Variants in DLGAP2 observed in about 807,000 individuals in gnomAD.
The protein encoded by DLGAP2 is DLG associated protein 2.
Under a neutral mutation model 100.3 loss-of-function variants are expected in DLGAP2, and 26 were observed. The observed-to-expected ratio is 0.26, with a 90% confidence interval of 0.19 to 0.36. The LOEUF (loss-of-function observed/expected upper bound fraction) is 0.36. Among genes scored for constraint, DLGAP2 ranks in the 10% least tolerant of loss-of-function variants. The probability of loss-of-function intolerance (pLI) is 1.00; values close to 1 mark genes in which losing one functional copy is unlikely to be tolerated. For missense variants in DLGAP2, 1,858 were observed against 1,453.2 expected, an observed-to-expected ratio of 1.28 and a Z score of -4.53; for synonymous variants, 886 against 630.1, an observed-to-expected ratio of 1.41 and a Z score of -6.08.
intron 1 of DLGAP2, among the ~76,000 whole-genome samples, chr8:766,157 A>G (rs1204184217): frequency 4.6e-5 from 7 of 152,062 alleles, no homozygotes; most frequent in Non-Finnish European, 1.0e-4. Context: ...ACAGAGCGAG[A>G]CTCTGTCTCA....
At chr8:1,443,017 T>G (rs976592526) in intron 3 of DLGAP2, among the ~76,000 whole-genome samples, 3 of 152,266 alleles carry the variant, frequency 2.0e-5, no homozygotes, top group African/African-American at 7.2e-5. Context: ...AAAATTAACT[T>G]TATCATTCTT....
intron 5 of DLGAP2, among the ~76,000 whole-genome samples, chr8:1,562,966 G>A (rs113776002): frequency 0.024 from 1,463 of 59,954 alleles, 118 homozygotes; most frequent in Middle Eastern, 0.05. Flanking sequence ...TCCGCGCCTC[G>A]TTACTGGGGG....
intron 3 of DLGAP2, among the ~76,000 whole-genome samples, chr8:1,458,942 G>A (rs960982456): frequency 8.5e-5 from 13 of 152,178 alleles, no homozygotes; most frequent in African/African-American, 2.4e-4. Flanking sequence ...ACCAGTGTGT[G>A]TCCCAGACAG....
intron 1 of DLGAP2, among the ~76,000 whole-genome samples, chr8:906,965 G>A (rs1333422245): frequency 6.6e-6 from 1 of 152,160 alleles, no homozygotes; most frequent in South Asian, 2.1e-4. Flanking sequence ...GCGGGGAGAG[G>A]GGGGATGGAG....
At chr8:1,461,233 G>A (rs532297729) in intron 3 of DLGAP2, among the ~76,000 whole-genome samples, 1 of 112,462 alleles carries the variant, frequency 8.9e-6, no homozygotes, top group African/African-American at 3.3e-5. Context: ...AGGGAGAAGG[G>A]TGGCATTTGG....
chr8:1,110,671 A>C (rs970844473), intron 2 of DLGAP2, among the ~76,000 whole-genome samples: 2 of 151,274 alleles, frequency 1.3e-5, no homozygotes, highest in African/African-American at 4.9e-5. Flanking sequence ...AAACCCAAAC[A>C]TCTGCAAGTA....
intron 3 of DLGAP2, among the ~76,000 whole-genome samples, chr8:1,271,204 A>G (rs907532998): frequency 6.6e-6 from 1 of 152,216 alleles, no homozygotes; most frequent in African/African-American, 2.4e-5. Flanking sequence ...TTGGGAGTCA[A>G]GATTAGTGCC....
intron 1 of DLGAP2, among the ~76,000 whole-genome samples, chr8:770,669 C>G (rs1027971032): frequency 1.3e-5 from 2 of 152,112 alleles, no homozygotes; most frequent in South Asian, 4.1e-4. Flanking sequence ...TCGTGCTGAC[C>G]TCCTGCTTCT....
intron 3 of DLGAP2, among the ~76,000 whole-genome samples, chr8:1,493,690 G>T (rs1345126195): frequency 6.6e-6 from 1 of 152,196 alleles, no homozygotes; most frequent in Non-Finnish European, 1.5e-5. Flanking sequence ...AGAAGTAAGT[G>T]TGCTTTTCAG....
At chr8:1,166,808 T>C (rs962003176) in intron 2 of DLGAP2, among the ~76,000 whole-genome samples, 14 of 152,266 alleles carry the variant, frequency 9.2e-5, no homozygotes, top group African/African-American at 3.4e-4. Context: ...CTCTGGTAAA[T>C]GTAAGTATTG....
At chr8:1,293,617 C>T (rs1426774583) in intron 3 of DLGAP2, among the ~76,000 whole-genome samples, 2 of 152,144 alleles carry the variant, frequency 1.3e-5, no homozygotes, top group African/African-American at 2.4e-5. Flanking sequence ...CAGCCATTAA[C>T]CTCCAATTTG....
rs575181086 is a variant in DLGAP2 at position 986,413 on chromosome 8, ATTAAAC to A, written c.73+78450_73+78455del. ...TATTCATGTGCCAGGGTGGTTGCAA[ATTAAAC>A]TTTTCTCTAGACATTTTAGTATCTT... On this transcript the variant is annotated intron_variant, in intron 2 of 14. Coordinates refer to ENST00000637795, the MANE Select transcript of DLGAP2 (RefSeq NM_001346810.2). Among the ~76,000 whole-genome samples the A allele has an allele frequency of 1.0e-3, 156 of 152,336 alleles. 2 individuals carry two copies. The highest frequency in any genetic ancestry group is 3.7e-3 in the African/African-American group (155 of 41,578).
chr8:860,459 A>T (rs993931276), intron 1 of DLGAP2, among the ~76,000 whole-genome samples: 1 of 152,198 alleles, frequency 6.6e-6, no homozygotes, highest in Non-Finnish European at 1.5e-5. Flanking sequence ...GTCCCAATGG[A>T]ATGAATTTCA....
intron 2 of DLGAP2, among the ~76,000 whole-genome samples, chr8:1,075,450 C>G (rs1286096683): frequency 6.6e-6 from 1 of 152,122 alleles, no homozygotes; most frequent in Non-Finnish European, 1.5e-5. Context: ...CTGTGGGTCT[C>G]TGGGGTGCCT....
At chr8:1,451,903 C>T (rs1436259232) in intron 3 of DLGAP2, among the ~76,000 whole-genome samples, 1 of 152,256 alleles carries the variant, frequency 6.6e-6, no homozygotes. Context: ...CTCCCACACA[C>T]ACGGCCCAGG....
At chr8:1,187,979 T>C (rs140465147) in intron 2 of DLGAP2, among the ~76,000 whole-genome samples, 7,729 of 66,728 alleles carry the variant, frequency 0.12, 736 homozygotes, top group Middle Eastern at 0.2. Context: ...CTCAAACGCC[T>C]GGGACCTCTG....
chr8:1,529,486 G>A (rs1159165737), intron 4 of DLGAP2, among the ~76,000 whole-genome samples: 1 of 152,216 alleles, frequency 6.6e-6, no homozygotes, highest in African/African-American at 2.4e-5. Context: ...CAGGAGAGCT[G>A]AGGGTTGGAG....
At chr8:1,632,731 A>G (rs1319430404) in intron 7 of DLGAP2, 96 bp from the exon 8 acceptor site, 5 of 1,254,176 alleles carry the variant, frequency 4.0e-6, no homozygotes, top group African/African-American at 3.0e-5. Flanking sequence ...AGGCAGTGAA[A>G]GGCAGCCTGG....
intron 4 of DLGAP2, among the ~76,000 whole-genome samples, chr8:1,502,983 T>C (rs1799775921): frequency 6.6e-6 from 1 of 152,136 alleles, no homozygotes; most frequent in Non-Finnish European, 1.5e-5. Flanking sequence ...GGAGTCACTC[T>C]GGGGAGGCCA....
Sources: gnomAD v4.1 joint callset for allele counts (sites outside exome capture counted in the v4.1 genomes callset) on GRCh38, gnomAD v4.1.1 for gene constraint, MANE v1.5 for transcripts, NCBI Gene and HGNC (gene_info 2026-07-23, HGNC 2026-07-21) for gene names.